Variants in RPGRIP1 observed in about 807,000 individuals in gnomAD.
The protein encoded by RPGRIP1 is X-linked retinitis pigmentosa GTPase regulator-interacting protein 1.
In RPGRIP1, 128 loss-of-function variants were observed where a neutral mutation model predicts 157.9. The observed-to-expected ratio is 0.81, with a 90% CI of 0.70 to 0.94. The LOEUF is 0.94. RPGRIP1 is among the 40% of genes least tolerant of loss of function. The pLI is 0.00. For missense variants in RPGRIP1, 1,486 were observed against 1,545.8 expected, an observed-to-expected ratio of 0.96 and a Z score of 0.65; for synonymous variants, 554 against 571.6, an observed-to-expected ratio of 0.97 and a Z score of 0.44.
At chr14:21,334,789 T>TC in intron 21 of RPGRIP1, 84 bp downstream of exon 21, 12 of 899,376 alleles carry the variant, frequency 1.3e-5, no homozygotes, top group Non-Finnish European at 2.0e-5. Context: ...ACGCCTGTAA[T>TC]CCCAGCACCT....
rs1207719923 is a variant in RPGRIP1 at position 21,292,932 on chromosome 14, G to A, written c.86-1745G>A. Among the ~76,000 whole-genome samples the A allele has an allele frequency of 1.1e-4, 16 of 151,950 alleles. No individual in the cohort carries two copies. In the East Asian group the frequency reaches 3.1e-3, roughly 29 times the overall value. On this transcript the variant is annotated intron_variant, in intron 2 of 24. Coordinates refer to ENST00000400017, the MANE Select transcript of RPGRIP1 (RefSeq NM_020366.4). ...GAGGCCGAGGCGGGTGGATCACGAG[G>A]TCAAGAGATGGAGACCATCCTGGCC...
At chr14:21,326,741 C>G (rs1459120746) in intron 17 of RPGRIP1, among the ~76,000 whole-genome samples, 2 of 152,126 alleles carry the variant, frequency 1.3e-5, no homozygotes, top group African/African-American at 4.8e-5. Flanking sequence ...TTTCTTAGTG[C>G]ATGACTACAT....
intron 2 of RPGRIP1, among the ~76,000 whole-genome samples, chr14:21,292,319 T>A: frequency 7.2e-6 from 1 of 137,948 alleles, no homozygotes; most frequent in East Asian, 1.9e-4. Flanking sequence ...TGGGAAGTTG[T>A]ATTTTTTTTT....
chr14:21,318,665 A>G (rs1882058642), intron 11 of RPGRIP1, among the ~76,000 whole-genome samples: 1 of 150,682 alleles, frequency 6.6e-6, no homozygotes, highest in Non-Finnish European at 1.5e-5. Flanking sequence ...TTTAGTAGAG[A>G]CGAGGGTTCA....
intron 23 of RPGRIP1, among the ~76,000 whole-genome samples, chr14:21,347,094 C>G (rs1037408336): frequency 2.6e-5 from 4 of 152,176 alleles, no homozygotes; most frequent in Non-Finnish European, 5.9e-5. Flanking sequence ...CCAGAACTCT[C>G]TCTTCCTTTA....
chr14:21,321,589 C>G, intron 13 of RPGRIP1, 187 bp downstream of exon 13: 1 of 1,274,532 alleles, frequency 7.8e-7, no homozygotes, highest in South Asian at 1.7e-5. Flanking sequence ...CACCTTGGCA[C>G]TAGGAGCCAG....
intron 19 of RPGRIP1, 139 bp from the exon 20 acceptor site, chr14:21,330,110 T>A: frequency 2.3e-6 from 1 of 431,278 alleles, no homozygotes; most frequent in Non-Finnish European, 3.6e-6. Context: ...AGAGGGAGAC[T>A]CTGTCTCAAA....
At chr14:21,340,180 G>A (rs1884844791) in intron 21 of RPGRIP1, among the ~76,000 whole-genome samples, 2 of 152,152 alleles carry the variant, frequency 1.3e-5, no homozygotes, top group Non-Finnish European at 2.9e-5. Context: ...GAAATCAAAA[G>A]AAAATTAAAG....
chr14:21,331,003 G>GA (rs1883717980), intron 20 of RPGRIP1, among the ~76,000 whole-genome samples: 1 of 151,742 alleles, frequency 6.6e-6, no homozygotes, highest in African/African-American at 2.4e-5. Context: ...TCTGCCTCCT[G>GA]GGTTCAAGCA....
At chr14:21,302,865 G>GTTTTTTTT (rs59447072) in intron 5 of RPGRIP1, 47 of 88,266 alleles carry the variant, frequency 5.3e-4, no homozygotes, top group African/African-American at 9.8e-4. Context: ...CCTTTGTTGT[G>GTTTTTTTT]TTTTTTTTTT....
Position 21,317,723 on chromosome 14 carries a change from T to C in RPGRIP1, c.1179T>C (p.Ser393=), listed in dbSNP as rs1881911312. 1 of 1,587,584 alleles carries C rather than the reference T, an allele frequency of 6.3e-7. No homozygotes were observed. Among genetic ancestry groups the C allele is most frequent in the South Asian group, 1.1e-5 (1 of 87,004 alleles). Residue 393 remains serine, a synonymous_variant, in exon 11 of 25, where the codon AGT becomes AGC. Coordinates refer to ENST00000400017, the MANE Select transcript of RPGRIP1 (RefSeq NM_020366.4). Reference sequence around the variant, plus strand: ...TGCTGGACAGCAGTGACAGCTCCAGTCAGCCCCACTGGAGCAACGAGCTCA... The same window carrying C: ...TGCTGGACAGCAGTGACAGCTCCAGCCAGCCCCACTGGAGCAACGAGCTCA... ...ESMLDSSDSS[S]QPHWSNELIA... is the part of the protein sequence containing the mutation.
At chr14:21,335,396 G>A (rs1884240253) in intron 21 of RPGRIP1, among the ~76,000 whole-genome samples, 1 of 152,116 alleles carries the variant, frequency 6.6e-6, no homozygotes, top group Non-Finnish European at 1.5e-5. Context: ...CTGGAAGAGA[G>A]GACAGGATTC....
intron 4 of RPGRIP1, among the ~76,000 whole-genome samples, chr14:21,301,677 AAATAATAATAATAAT>A (rs1232971998): frequency 1.6e-4 from 21 of 127,576 alleles, no homozygotes; most frequent in Admixed American, 1.2e-3. Flanking sequence ...CTCTGTCTCA[AAATAATAATAATAAT>A]AATAATAATA....
chr14:21,342,775 C>T (rs942592634), intron 21 of RPGRIP1, among the ~76,000 whole-genome samples: 13 of 152,024 alleles, frequency 8.6e-5, no homozygotes, highest in African/African-American at 3.1e-4. Flanking sequence ...AAAGGCTGTC[C>T]TGGAGAAATG....
intron 1 of RPGRIP1, among the ~76,000 whole-genome samples, chr14:21,287,685 T>TA (rs531183737): frequency 3.5e-4 from 53 of 152,112 alleles, no homozygotes; most frequent in African/African-American, 1.2e-3. Flanking sequence ...AGCAGACACT[T>TA]AAAAAAATGA....
chr14:21,317,991 A>G (rs887839075), intron 11 of RPGRIP1, 141 bp downstream of exon 11: 1 of 721,140 alleles, frequency 1.4e-6, no homozygotes, highest in Admixed American at 2.2e-5. Context: ...GAATGAGAAC[A>G]CTAGCAATAG....
chr14:21,325,718 A>G, intron 16 of RPGRIP1, 113 bp from the exon 17 acceptor site: 1 of 806,232 alleles, frequency 1.2e-6, no homozygotes. Context: ...TTCCTGATCC[A>G]GTTGGGATAG....
chr14:21,288,468 A>G (rs1298084607), intron 2 of RPGRIP1, among the ~76,000 whole-genome samples: 1 of 150,252 alleles, frequency 6.7e-6, no homozygotes, highest in Admixed American at 6.6e-5. Context: ...GGTGTGAGCC[A>G]CTGTGCCTGG....
At chr14:21,296,521 T>C (rs1017743257) in intron 3 of RPGRIP1, among the ~76,000 whole-genome samples, 15 of 151,494 alleles carry the variant, frequency 9.9e-5, no homozygotes, top group Non-Finnish European at 1.9e-4. Context: ...GCCTTAATAT[T>C]TGTATTTTTT....
Sources: gnomAD v4.1 joint callset for allele counts (sites outside exome capture counted in the v4.1 genomes callset) on GRCh38, gnomAD v4.1.1 for gene constraint, MANE v1.5 for transcripts, NCBI Gene and HGNC (gene_info 2026-07-23, HGNC 2026-07-21) for gene names.